The following KAZN variants were observed in gnomAD, a reference collection of about 807,000 sequenced individuals.
The protein encoded by KAZN is kazrin, periplakin interacting protein, also known as kazrin.
A neutral mutation model predicts 87.4 loss-of-function variants in KAZN; 40 were observed. The ratio of observed to expected loss-of-function variants is 0.46; its 90% CI spans 0.36 to 0.60. The LOEUF (loss-of-function observed/expected upper bound fraction) is 0.60, where lower values mean the gene tolerates loss of function less well. Among genes scored for constraint, KAZN ranks in the 20% least tolerant of loss-of-function variants. The pLI is 0.00. For missense variants in KAZN, 898 were observed against 1,073.9 expected (o/e 0.84, Z 2.29); for synonymous variants, 466 against 458.3 (o/e 1.02, Z -0.22).
intron 1 of KAZN, among the ~76,000 whole-genome samples, chr1:14,043,887 T>C (rs1641944940): frequency 6.6e-6 from 1 of 152,196 alleles, no homozygotes. Flanking sequence ...TATATCAGTG[T>C]ATAACAGAGC....
chr1:13,960,385 A>C (rs1310208020), intron 1 of KAZN, among the ~76,000 whole-genome samples: 1 of 152,200 alleles, frequency 6.6e-6, no homozygotes, highest in Non-Finnish European at 1.5e-5. Context: ...GTTTGATTGT[A>C]TCTATGGCTT....
At chr1:13,900,397 C>G (rs1027589148) in intron 1 of KAZN, among the ~76,000 whole-genome samples, 52 of 152,306 alleles carry the variant, frequency 3.4e-4, no homozygotes, top group African/African-American at 1.2e-3. Context: ...TGGTGATCTC[C>G]TTGGGACTCA....
intron 2 of KAZN, among the ~76,000 whole-genome samples, chr1:14,994,560 T>C (rs1484444721): frequency 2.0e-5 from 3 of 152,260 alleles, no homozygotes; most frequent in African/African-American, 7.2e-5. Flanking sequence ...CTTTGTACTT[T>C]GGACAATTTG....
At chr1:15,083,401 T>C (rs922850118) in intron 8 of KAZN, among the ~76,000 whole-genome samples, 4 of 152,210 alleles carry the variant, frequency 2.6e-5, no homozygotes, top group African/African-American at 9.7e-5. Flanking sequence ...AGGCTGCCTG[T>C]GTCACTCCAG....
rs1188305226 is a variant in KAZN, at chr1:14,216,070, C to A, written c.249+35478C>A. Among the ~76,000 whole-genome samples, 4 of 151,950 alleles carry A rather than the reference C, an allele frequency of 2.6e-5. No individual in the cohort carries two copies. The East Asian group carries it at 7.7e-4, about 29-fold the overall frequency. On this transcript the variant is annotated intron_variant, in intron 2 of 16. Coordinates refer to the KAZN transcript ENST00000636203. ...TTTAAAAAATAGAGCAAAAAGATAG[C>A]AAAACCAAAACACATGAATGTCATT...
At chr1:14,381,046 G>T (rs1361971243) in intron 2 of KAZN, among the ~76,000 whole-genome samples, 3 of 152,254 alleles carry the variant, frequency 2.0e-5, no homozygotes, top group African/African-American at 7.2e-5. Flanking sequence ...TGAGGCAGAG[G>T]AGTCTCATCC....
chr1:14,322,387 A>G (rs895053924), intron 2 of KAZN, among the ~76,000 whole-genome samples: 3 of 152,204 alleles, frequency 2.0e-5, no homozygotes, highest in Admixed American at 6.5e-5. Flanking sequence ...TTCACACTTG[A>G]ATACTAAATT....
chr1:14,133,953 T>C (rs1157362205), intron 1 of KAZN, among the ~76,000 whole-genome samples: 1 of 152,204 alleles, frequency 6.6e-6, no homozygotes, highest in East Asian at 1.9e-4. Context: ...CGTTTCATCA[T>C]AGGGGACGAC....
At chr1:14,124,099 A>G (rs1644810642) in intron 1 of KAZN, 1 of 152,144 alleles carries the variant, frequency 6.6e-6, no homozygotes, top group African/African-American at 2.4e-5. Flanking sequence ...TTCTTATATC[A>G]CAAATCACCT....
intron 1 of KAZN, among the ~76,000 whole-genome samples, chr1:14,909,193 G>A (rs1476637855): frequency 2.0e-5 from 3 of 152,138 alleles, no homozygotes; most frequent in South Asian, 2.1e-4. Flanking sequence ...ATCCCATAGG[G>A]TTTGGCGGCA....
At chr1:14,445,383 T>C (rs1456424295) in intron 2 of KAZN, among the ~76,000 whole-genome samples, 2 of 151,984 alleles carry the variant, frequency 1.3e-5, no homozygotes, top group African/African-American at 2.4e-5. Context: ...CTCGGGGAGA[T>C]CAGCACACAA....
In KAZN at chr1:15,069,302, A is replaced by C. The variant is rs180840845; in HGVS notation, c.1222+3549A>C. On this transcript the variant is annotated intron_variant, in intron 8 of 14. Coordinates refer to ENST00000376030, the MANE Select transcript of KAZN (RefSeq NM_201628.3). ...ACAGCCAGTCAATCAGAGTTGGCAT[A>C]CAAGGATAAAGCCTTTTTGCCCTCT... Among the ~76,000 whole-genome samples the C allele has an allele frequency of 2.6e-5, 4 of 152,294 alleles. No homozygotes were observed. In the East Asian group the frequency reaches 7.7e-4, roughly 29 times the overall value.
intron 2 of KAZN, among the ~76,000 whole-genome samples, chr1:14,488,588 T>G (rs1669476651): frequency 6.6e-6 from 1 of 152,172 alleles, no homozygotes; most frequent in Non-Finnish European, 1.5e-5. Context: ...AGAGCACAAT[T>G]AAAGCATTTA....
chr1:14,834,439 G>T (rs572542754), intron 1 of KAZN, among the ~76,000 whole-genome samples: 38 of 144,200 alleles, frequency 2.6e-4, no homozygotes, highest in Non-Finnish European at 4.9e-4. Context: ...TCGGCTCACT[G>T]CAAGCTCCGC....
chr1:14,921,261 G>A (rs1392445215), intron 1 of KAZN, among the ~76,000 whole-genome samples: 8 of 152,164 alleles, frequency 5.3e-5, no homozygotes, highest in East Asian at 3.9e-4. Flanking sequence ...GTGGCCTTAC[G>A]AAGCAGCTTG....
At chr1:14,724,407 G>A (rs906922219) in intron 1 of KAZN, among the ~76,000 whole-genome samples, 1 of 152,192 alleles carries the variant, frequency 6.6e-6, no homozygotes, top group Non-Finnish European at 1.5e-5. Flanking sequence ...CCCTTGCACT[G>A]TGGGGCTTTC....
At chr1:14,847,871 T>C (rs111631446) in intron 1 of KAZN, among the ~76,000 whole-genome samples, 29 of 152,250 alleles carry the variant, frequency 1.9e-4, no homozygotes, top group African/African-American at 5.3e-4. Flanking sequence ...TCCTAGTTTC[T>C]TGGGAGGCTG....
At chr1:14,123,634 A>G (rs1238585921) in intron 1 of KAZN, among the ~76,000 whole-genome samples, 1 of 152,234 alleles carries the variant, frequency 6.6e-6, no homozygotes, top group Admixed American at 6.5e-5. Context: ...CAATAGAGTC[A>G]ACCATTTCAT....
intron 2 of KAZN, among the ~76,000 whole-genome samples, chr1:14,547,567 T>A (rs1226396397): frequency 6.6e-6 from 1 of 152,208 alleles, no homozygotes; most frequent in Admixed American, 6.5e-5. Flanking sequence ...GTTAAGGTTT[T>A]TAAAATTTAT....
Sources: allele counts gnomAD v4.1 joint callset (sites outside exome capture counted in the v4.1 genomes callset), GRCh38; gene constraint gnomAD v4.1.1; transcripts MANE v1.5; gene names NCBI Gene and HGNC (gene_info 2026-07-23, HGNC 2026-07-21).